Variants in PCNX3 observed in about 807,000 individuals in gnomAD.
PCNX3 encodes the protein pecanex-like protein 3.
Under a neutral mutation model 207.2 loss-of-function variants are expected in PCNX3, and 58 were observed. The observed-to-expected ratio is 0.28, with a 90% CI of 0.23 to 0.35. The LOEUF (loss-of-function observed/expected upper bound fraction) is 0.35. PCNX3 is among the 10% of genes least tolerant of loss of function. The pLI is 1.00. For synonymous variants in PCNX3, 1,337 were observed against 1,183.5 expected, an observed-to-expected ratio of 1.13 and a Z score of -2.66; for missense variants, 2,410 against 2,774.4, an observed-to-expected ratio of 0.87 and a Z score of 2.95.
intron 9 of PCNX3, among the ~76,000 whole-genome samples, 172 bp downstream of exon 9, chr11:65,620,601 C>G (rs1438405500): frequency 6.6e-6 from 1 of 152,184 alleles, no homozygotes; most frequent in Non-Finnish European, 1.5e-5. Context: ...GTCCCTGGCT[C>G]CATGACACTC....
In PCNX3 at chr11:65,631,668, A is replaced by G. The variant is rs559472481; in HGVS notation, c.4470+1064A>G. On this transcript the variant is annotated intron_variant, in intron 27 of 34. Coordinates refer to ENST00000355703, the MANE Select transcript of PCNX3 (RefSeq NM_032223.4). The stretch of plus-strand genomic sequence containing the variant: ...AGCAAGACTGTCTCAAAAAAAAAAA[A>G]GGAATTTTGAGGCTTGTGGTGCTCA... Among the ~76,000 whole-genome samples, 9 of 151,764 alleles carry G rather than the reference A, an allele frequency of 5.9e-5. No individual in the cohort carries two copies. The East Asian group carries it at 1.5e-3, about 26-fold the overall frequency.
At chr11:65,630,173 G>T (rs979394356) in intron 26 of PCNX3, among the ~76,000 whole-genome samples, 178 bp from the exon 27 acceptor site, 3 of 152,232 alleles carry the variant, frequency 2.0e-5, no homozygotes, top group Non-Finnish European at 4.4e-5. Context: ...GATGCTGGGA[G>T]TTGGGAGGAG....
chr11:65,619,986 C>T, intron 8 of PCNX3, 54 bp downstream of exon 8: 6 of 1,516,818 alleles, frequency 4.0e-6, no homozygotes, highest in Non-Finnish European at 5.3e-6. Context: ...CCCCCAACAG[C>T]CTGAGTCCTC....
rs1161872043 is a variant in PCNX3, at chr11:65,618,894, G to T, written c.1532G>T (p.Gly511Val). 1.2e-6 allele frequency: 2 copies of T among 1,609,908 alleles called. No homozygotes were observed. Among genetic ancestry groups the T allele is most frequent in the Non-Finnish European group, 1.7e-6 (2 of 1,178,898 alleles). ...GTGCTGAGCATGGATGGGGCTGGGG[G>T]TGATGTTCTGAGGCCCCCACTGGCT... is the stretch of plus-strand genomic sequence containing the variant. ...ARVLSMDGAG[G>V]DVLRPPLAGC... is the part of the protein sequence containing the mutation. The change falls in exon 6 of 35, where the codon GGT (glycine) becomes GTT (valine). Residue 511 changes from glycine to valine, a missense_variant. Gly to Val is a moderately radical substitution (Grantham distance 109). Coordinates refer to ENST00000355703, the MANE Select transcript of PCNX3 (RefSeq NM_032223.4).
At position 65,625,104 on chromosome 11, in the gene PCNX3, C is replaced by CA. The variant is rs1257354930; in HGVS notation, c.2920-66dup. 3.5e-5 allele frequency: 55 copies of CA among 1,550,464 alleles called. No homozygotes were observed. Among genetic ancestry groups the CA allele is most frequent in the Non-Finnish European group, 4.5e-5 (51 of 1,137,366 alleles). ...TGAACTGGGCTCAGCAGTGGCTTCT[C>CA]ACACGGGGGCAGCCCGGGCCCCATG... On this transcript the variant is annotated intron_variant, in intron 16 of 34. Coordinates refer to ENST00000355703, the MANE Select transcript of PCNX3 (RefSeq NM_032223.4). The surrounding 1 kb of genome is among the most constrained non-coding windows in gnomAD (Gnocchi z 5.6).
In PCNX3 at chr11:65,625,760, G is replaced by C; in HGVS notation, c.3228+16G>C. 2 of 1,604,616 alleles carry C rather than the reference G, an allele frequency of 1.2e-6. No homozygotes were observed. The highest frequency in any genetic ancestry group is 1.7e-6 in the Non-Finnish European group (2 of 1,177,576). ...TGCCCTGAAGGTTTGTGTGGCATGGGCCGCTGCTGCCTCTCGCTGTCTTGG... is the reference window on the plus strand; with the variant it reads ...TGCCCTGAAGGTTTGTGTGGCATGGCCCGCTGCTGCCTCTCGCTGTCTTGG... On this transcript the variant is annotated intron_variant, in intron 19 of 34. Transcript: ENST00000355703. This position sits in a 1 kb window ranked among gnomAD's most constrained non-coding sequence, Gnocchi z 5.6.
intron 23 of PCNX3, 44 bp from the exon 24 acceptor site, chr11:65,628,775 G>GGGGGGGGGGGGGGGGGGGGGGC: frequency 6.0e-6 from 9 of 1,500,462 alleles, no homozygotes; most frequent in East Asian, 2.4e-5. Context: ...GTGGTGGGGG[G>GGGGGGGGGGGGGGGGGGGGGGC]CTGGGAGGTC....
In PCNX3 at chr11:65,616,958, T is replaced by C; in HGVS notation, c.288T>C (p.Ser96=). The C allele has an allele frequency of 6.2e-7, 1 of 1,613,226 alleles. No individual in the cohort carries two copies. Among genetic ancestry groups the C allele is most frequent in the Non-Finnish European group, 8.5e-7 (1 of 1,179,794 alleles). Residue 96 remains serine (S), a synonymous_variant, in exon 2 of 35, where the codon TCT becomes TCC. Coordinates refer to ENST00000355703, the MANE Select transcript of PCNX3 (RefSeq NM_032223.4). ...GCGAGATCGTGGAGAAGCGCAGCTC[T>C]ACCATGGGGGAGCTGGAGGAAGAGC... ...DQGEIVEKRS[S]TMGELEEEPA... is the part of the protein sequence containing the mutation.
chr11:65,625,530 G>C lies in PCNX3; in HGVS notation c.3135+20G>C, dbSNP rs752969282. 4 of 1,581,126 alleles carry C rather than the reference G, an allele frequency of 2.5e-6. No homozygotes were observed. The East Asian group carries it at 9.1e-5, about 36-fold the overall frequency. The stretch of plus-strand genomic sequence containing the variant: ...TCGGTGGTGAGGGGGCGGGGGGTGG[G>C]GGTCTGTGGGGAGGTGGTGACAGGT... On this transcript the variant is annotated intron_variant, in intron 18 of 34. Coordinates refer to ENST00000355703, the MANE Select transcript of PCNX3 (RefSeq NM_032223.4). The surrounding 1 kb of genome is among the most constrained non-coding windows in gnomAD (Gnocchi z 5.6).
At position 65,636,872 on chromosome 11, in the gene PCNX3, G is replaced by C; in HGVS notation, c.5999G>C (p.Ser2000Thr). The change falls in exon 35 of 35, where the codon AGT (serine) becomes ACT (threonine). Residue 2000 changes from serine (S) to threonine (T), a missense_variant. Physicochemically the swap from Ser to Thr is moderately conservative, Grantham distance 58 (BLOSUM62 1). Coordinates refer to ENST00000355703, the MANE Select transcript of PCNX3 (RefSeq NM_032223.4). The stretch of plus-strand genomic sequence containing the variant: ...CAGGACATTCCTTGCTTGGACAGCA[G>C]TGCCCCTGAGAGTGGCACACCTATG... ...ASQDIPCLDS[S>T]APESGTPMGA... The C allele has an allele frequency of 6.4e-7, 1 of 1,551,992 alleles. No homozygotes were observed.
rs771777346 is a variant in PCNX3 at position 65,618,632 on chromosome 11, A to G, written c.1270A>G (p.Thr424Ala). 1 of 1,612,972 alleles carries G rather than the reference A, an allele frequency of 6.2e-7. No homozygotes were observed. Among genetic ancestry groups the G allele is most frequent in the Admixed American group, 1.7e-5 (1 of 60,018 alleles). ...TGGGGGCTTCTTTGAGGATGAAGAC[A>G]CTAGTGAGGGCAGTGAACTGAGCCC... ...EGGGFFEDED[T>A]SEGSELSPAS... Residue 424 changes from threonine to alanine, a missense_variant, in exon 6 of 35, where the codon ACT becomes GCT. By Grantham distance (58) the Thr-to-Ala change is moderately conservative. Transcript: ENST00000355703.
intron 11 of PCNX3, among the ~76,000 whole-genome samples, chr11:65,622,899 G>A (rs924008165): frequency 3.3e-5 from 5 of 152,170 alleles, no homozygotes; most frequent in African/African-American, 4.8e-5. Context: ...ACCGCGCCCG[G>A]CCATCCTATT....
Position 65,635,167 on chromosome 11 carries a change from C to G in PCNX3, c.4953+47C>G, listed in dbSNP as rs748702790. Reference sequence around the variant, plus strand: ...CAGCATGGGCAGGTGGGGGATGAAGCCTCTCTCCAGGGCAGGGGCCACTGA... The same window carrying G: ...CAGCATGGGCAGGTGGGGGATGAAGGCTCTCTCCAGGGCAGGGGCCACTGA... On this transcript the variant is annotated intron_variant, in intron 30 of 34. Transcript: ENST00000355703. This position sits in a 1 kb window ranked among gnomAD's most constrained non-coding sequence, Gnocchi z 9.9. The G allele has an allele frequency of 5.0e-6, 8 of 1,605,016 alleles. No individual in the cohort carries two copies. The South Asian group carries it at 5.5e-5, about 11-fold the overall frequency.
Position 65,625,139 on chromosome 11 carries a change from C to A in PCNX3, c.2920-32C>A. 1.3e-6 allele frequency: 2 copies of A among 1,576,620 alleles called. No homozygotes were observed. Among genetic ancestry groups the A allele is most frequent in the Non-Finnish European group, 8.7e-7 (1 of 1,155,312 alleles). On this transcript the variant is annotated intron_variant, in intron 16 of 34. Transcript: ENST00000355703. The surrounding 1 kb of genome is among the most constrained non-coding windows in gnomAD (Gnocchi z 5.6). ...CAGCCCGGGCCCCATGCTTACCTCACCTCCCCTGACCAGCATGGATTCTCT... is the reference window on the plus strand; with the variant it reads ...CAGCCCGGGCCCCATGCTTACCTCAACTCCCCTGACCAGCATGGATTCTCT...
rs973461092 is a variant in PCNX3, at chr11:65,617,664, G to A, written c.535G>A (p.Ala179Thr). 6.3e-6 allele frequency: 10 copies of A among 1,588,620 alleles called. No individual in the cohort carries two copies. Among genetic ancestry groups the A allele is most frequent in the South Asian group, 1.1e-5 (1 of 88,180 alleles). Residue 179 changes from alanine (A) to threonine (T), a missense_variant, in exon 5 of 35, where the codon GCC (alanine) becomes ACC (threonine). Physicochemically the swap from Ala to Thr is moderately conservative, Grantham distance 58. Around this residue, in one of 8 missense-constraint regions of PCNX3, gnomAD observed 1,104 missense variants for 970.3 expected, o/e 1.14. Coordinates refer to ENST00000355703, the MANE Select transcript of PCNX3 (RefSeq NM_032223.4). ...QGSNNVIVTS[A>T]DREMLKLSSQ... Reference sequence around the variant, plus strand: ...CAGCAACAATGTGATCGTGACTTCTGCCGACCGAGAGATGCTGAAGCTCAG... The same window carrying A: ...CAGCAACAATGTGATCGTGACTTCTACCGACCGAGAGATGCTGAAGCTCAG...
Position 65,618,129 on chromosome 11 carries a change from T to A in PCNX3, c.767T>A (p.Leu256Gln). 6.2e-7 allele frequency: 1 copy of A among 1,610,500 alleles called. No individual in the cohort carries two copies. The highest frequency in any genetic ancestry group is 1.1e-5 in the South Asian group (1 of 90,964). Residue 256 changes from leucine (L) to glutamine (Q), a missense_variant, in exon 6 of 35, where the codon CTG becomes CAG. Transcript: ENST00000355703. ...SQELSKSFLT[L>Q]TQPDRALVRT... Reference sequence around the variant, plus strand: ...GAGCTGAGCAAGAGCTTCCTGACCCTGACCCAGCCTGACCGGGCCCTGGTG... The same window carrying A: ...GAGCTGAGCAAGAGCTTCCTGACCCAGACCCAGCCTGACCGGGCCCTGGTG...
chr11:65,626,285 C>T (rs1855386781), intron 20 of PCNX3: 2 of 691,956 alleles, frequency 2.9e-6, no homozygotes, highest in East Asian at 5.7e-5. Flanking sequence ...TGCCCTGGTC[C>T]TGCCCTCCTT....
rs780904629 is a variant in PCNX3 at position 65,618,121 on chromosome 11, C to T, written c.759C>T (p.Phe253=). The change falls in exon 6 of 35, where the codon TTC becomes TTT. Residue 253 remains phenylalanine (F), a synonymous_variant. Transcript: ENST00000355703. ...GSLSQELSKS[F]LTLTQPDRAL... Reference sequence around the variant, plus strand: ...TCAGCCAGGAGCTGAGCAAGAGCTTCCTGACCCTGACCCAGCCTGACCGGG... The same window carrying T: ...TCAGCCAGGAGCTGAGCAAGAGCTTTCTGACCCTGACCCAGCCTGACCGGG... 33 of 1,611,366 alleles carry T rather than the reference C, an allele frequency of 2.0e-5. No individual in the cohort carries two copies. The South Asian group carries it at 3.6e-4, about 18-fold the overall frequency.
At chr11:65,621,094 C>T in intron 10 of PCNX3, 128 bp downstream of exon 10, 1 of 1,234,522 alleles carries the variant, frequency 8.1e-7, no homozygotes, top group Non-Finnish European at 1.1e-6. Context: ...GTGAGCGCTC[C>T]AGGGGCCCTA....
Sources: allele counts gnomAD v4.1 joint callset (sites outside exome capture counted in the v4.1 genomes callset), GRCh38; gene constraint gnomAD v4.1.1; regional missense constraint gnomAD v4.1.1; non-coding constraint Gnocchi (gnomAD v3.1); transcripts MANE v1.5; gene names NCBI Gene and HGNC (gene_info 2026-07-23, HGNC 2026-07-21).